SYT1: variants seen among roughly 807,000 people sequenced by gnomAD.
SYT1 encodes the protein synaptotagmin-1.
In SYT1, 8 loss-of-function variants were observed where a neutral mutation model predicts 44.8. The observed-to-expected ratio is 0.18, with a 90% CI of 0.10 to 0.32. The LOEUF (loss-of-function observed/expected upper bound fraction) is 0.32, where lower values mean the gene tolerates loss of function less well. Among genes scored for constraint, SYT1 ranks in the 10% least tolerant of loss-of-function variants. The pLI is 1.00. For synonymous variants in SYT1, 154 were observed against 188.8 expected (o/e 0.82, Z 1.51); for missense variants, 286 against 509.3 (o/e 0.56, Z 4.22).
intron 3 of SYT1, among the ~76,000 whole-genome samples, chr12:79,177,096 G>T (rs1299714639): frequency 1.6e-5 from 2 of 126,584 alleles, no homozygotes; most frequent in African/African-American, 3.1e-5. Context: ...TGCACATTGT[G>T]CAGGTTAGTT....
intron 4 of SYT1, among the ~76,000 whole-genome samples, chr12:79,232,656 T>C (rs1388382662): frequency 1.3e-5 from 2 of 152,182 alleles, no homozygotes; most frequent in Non-Finnish European, 2.9e-5. Flanking sequence ...AGTTTATACT[T>C]TGCATATGTT....
At chr12:79,319,666 A>T (rs1403742512) in intron 8 of SYT1, among the ~76,000 whole-genome samples, 1 of 151,940 alleles carries the variant, frequency 6.6e-6, no homozygotes, top group African/African-American at 2.4e-5. Flanking sequence ...CATCCATTCA[A>T]CACCACTCCC....
chr12:79,444,275 A>C, intron 10 of SYT1, 69 bp downstream of exon 10: 3 of 1,570,928 alleles, frequency 1.9e-6, no homozygotes, highest in Non-Finnish European at 2.6e-6. Flanking sequence ...TTATACACAC[A>C]GACCTTGTAA....
intron 8 of SYT1, among the ~76,000 whole-genome samples, chr12:79,315,417 A>G (rs1881033766): frequency 6.6e-6 from 1 of 152,024 alleles, no homozygotes; most frequent in Admixed American, 6.5e-5. Context: ...GGATCTTACT[A>G]TGTTACTCAG....
intron 9 of SYT1, among the ~76,000 whole-genome samples, chr12:79,426,318 A>G (rs117982887): frequency 0.016 from 2,504 of 152,254 alleles, 49 homozygotes; most frequent in African/African-American, 0.046. Flanking sequence ...AGCACTTGCA[A>G]TCCTTCCCAC....
chr12:79,137,896 A>G (rs945063072), intron 3 of SYT1, among the ~76,000 whole-genome samples: 2 of 152,120 alleles, frequency 1.3e-5, no homozygotes, highest in Admixed American at 6.6e-5. Context: ...CTTTCTCTGC[A>G]CAAATTTCTT....
intron 4 of SYT1, among the ~76,000 whole-genome samples, chr12:79,247,962 A>C (rs1265539715): frequency 1.3e-5 from 2 of 152,260 alleles, no homozygotes; most frequent in Non-Finnish European, 2.9e-5. Flanking sequence ...CGTGTTCAGA[A>C]AATGAAGGTC....
intron 9 of SYT1, among the ~76,000 whole-genome samples, chr12:79,375,276 C>T (rs767693941): frequency 2.6e-5 from 4 of 151,990 alleles, no homozygotes; most frequent in Non-Finnish European, 5.9e-5. Context: ...ATTTCGTGGG[C>T]GCTTCCTGGA....
intron 2 of SYT1, among the ~76,000 whole-genome samples, chr12:79,000,382 C>T (rs977517768): frequency 3.3e-5 from 5 of 151,122 alleles, no homozygotes; most frequent in African/African-American, 4.9e-5. Context: ...CAACCTCCGC[C>T]GCCTGGGTTC....
chr12:79,305,773 G>C (rs1031476985), intron 8 of SYT1, among the ~76,000 whole-genome samples: 2 of 152,154 alleles, frequency 1.3e-5, no homozygotes, highest in African/African-American at 4.8e-5. Flanking sequence ...TCAGCTCACT[G>C]CAACCCCCCG....
In SYT1 at chr12:79,135,254, TC is replaced by T. The variant is rs1305762264; in HGVS notation, c.-17-82243del. Among the ~76,000 whole-genome samples, 11 of 76,512 alleles carry T rather than the reference TC, an allele frequency of 1.4e-4. No homozygotes were observed. The East Asian group carries it at 2.5e-3, about 18-fold the overall frequency. The allele number at this position is 76,512 out of a possible 152,430, so 50.2% of individuals were successfully genotyped here. ...ATCTCCTAATGCTATCCCTCCCCCC[TC>T]CCCCCATCCCACAACAGTCCCCAGT... On this transcript the variant is annotated intron_variant, in intron 3 of 10. Coordinates refer to ENST00000261205, the MANE Select transcript of SYT1 (RefSeq NM_005639.3).
chr12:79,016,554 G>T (rs1157382772), intron 2 of SYT1, among the ~76,000 whole-genome samples: 1 of 152,020 alleles, frequency 6.6e-6, no homozygotes, highest in Non-Finnish European at 1.5e-5. Context: ...TTTACTAAGG[G>T]CGCCAGTGTC....
intron 8 of SYT1, among the ~76,000 whole-genome samples, chr12:79,313,774 G>A (rs1336180620): frequency 6.6e-6 from 1 of 151,956 alleles, no homozygotes; most frequent in Non-Finnish European, 1.5e-5. Context: ...TCATAAAATG[G>A]GATTAGTATT....
At chr12:79,245,728 A>G (rs945410805) in intron 4 of SYT1, among the ~76,000 whole-genome samples, 1 of 152,198 alleles carries the variant, frequency 6.6e-6, no homozygotes, top group East Asian at 1.9e-4. Flanking sequence ...ATTAAATTCA[A>G]CATGATTTCT....
chr12:78,933,132 A>C (rs1877847507), intron 1 of SYT1, among the ~76,000 whole-genome samples: 1 of 152,112 alleles, frequency 6.6e-6, no homozygotes, highest in Admixed American at 6.5e-5. Flanking sequence ...CCTGTGAAGA[A>C]ATATCTAGGG....
chr12:79,130,495 G>C (rs1038832944), intron 3 of SYT1, among the ~76,000 whole-genome samples: 2 of 152,164 alleles, frequency 1.3e-5, no homozygotes, highest in African/African-American at 4.8e-5. Context: ...TGTCTGCCTT[G>C]ATTCCAGATA....
intron 2 of SYT1, among the ~76,000 whole-genome samples, chr12:79,027,928 C>G (rs1872628055): frequency 6.6e-6 from 1 of 151,478 alleles, no homozygotes; most frequent in South Asian, 2.1e-4. Flanking sequence ...GGACATTTCT[C>G]CTTATACATT....
At chr12:79,244,835 A>G (rs543954837) in intron 4 of SYT1, among the ~76,000 whole-genome samples, 2 of 151,966 alleles carry the variant, frequency 1.3e-5, no homozygotes, top group African/African-American at 4.8e-5. Context: ...TGACTTTTGA[A>G]CGGCTTTTTT....
At chr12:78,879,836 T>C (rs916420830) in intron 1 of SYT1, among the ~76,000 whole-genome samples, 8 of 151,762 alleles carry the variant, frequency 5.3e-5, no homozygotes. Flanking sequence ...CTGGCCATAT[T>C]GGCCTTTTTT....
Sources: gnomAD v4.1 joint callset for allele counts (sites outside exome capture counted in the v4.1 genomes callset) on GRCh38, gnomAD v4.1.1 for gene constraint, MANE v1.5 for transcripts, NCBI Gene and HGNC (gene_info 2026-07-23, HGNC 2026-07-21) for gene names.